FAM135B: variants seen among roughly 807,000 people sequenced by gnomAD.
FAM135B encodes protein FAM135B.
Under a neutral mutation model 127.7 loss-of-function variants are expected in FAM135B, and 43 were observed. The observed-to-expected ratio is 0.34, with a 90% CI of 0.26 to 0.43. The LOEUF (loss-of-function observed/expected upper bound fraction) is 0.43, where lower values mean the gene tolerates loss of function less well. Ranked by LOEUF, FAM135B falls within the 20% of genes least tolerant of loss-of-function variation. The pLI is 1.00. For synonymous variants in FAM135B, 670 were observed against 665.1 expected (o/e 1.01, Z -0.11); for missense variants, 1,558 against 1,725.6 (o/e 0.90, Z 1.72).
intron 2 of FAM135B, among the ~76,000 whole-genome samples, chr8:138,331,774 G>A (rs923454172): frequency 6.6e-6 from 1 of 152,150 alleles, no homozygotes; most frequent in African/African-American, 2.4e-5. Flanking sequence ...AATAAAGTTG[G>A]AGTAAAATAA....
intron 3 of FAM135B, among the ~76,000 whole-genome samples, chr8:138,272,961 T>G (rs1317095365): frequency 6.6e-6 from 1 of 152,206 alleles, no homozygotes; most frequent in Non-Finnish European, 1.5e-5. Flanking sequence ...TTTCCTCATC[T>G]GTGAACTGGG....
At chr8:138,163,376 C>A (rs549753063) in intron 12 of FAM135B, among the ~76,000 whole-genome samples, 212 of 152,206 alleles carry the variant, frequency 1.4e-3, no homozygotes, top group African/African-American at 4.0e-3. Flanking sequence ...GATATTGCAG[C>A]GTGCCTGGCA....
chr8:138,306,487 G>A (rs73438119), intron 3 of FAM135B, among the ~76,000 whole-genome samples: 5,144 of 150,740 alleles, frequency 0.034, 184 homozygotes, highest in East Asian at 0.15. Flanking sequence ...AGATGAGACT[G>A]TACAACCTGG....
chr8:138,247,769 C>T (rs1488169537), intron 6 of FAM135B, among the ~76,000 whole-genome samples: 3 of 152,216 alleles, frequency 2.0e-5, no homozygotes, highest in Admixed American at 6.5e-5. Flanking sequence ...TACCAGGTAA[C>T]TCTACTGCTC....
chr8:138,242,165 T>TTGTGTGTGTGTG lies in FAM135B; in HGVS notation c.669+765_669+776dup, dbSNP rs55837421. 2.1e-4 allele frequency among the ~76,000 whole-genome samples: 27 copies of TTGTGTGTGTGTG among 130,086 alleles called. No homozygotes were observed. The highest frequency in any genetic ancestry group is 5.0e-4 in the African/African-American group (17 of 34,112). 85.3% of individuals were successfully genotyped at this position (130,086 alleles called of 152,430 possible). On this transcript the variant is annotated intron_variant, in intron 7 of 19. Transcript: ENST00000395297. The surrounding 1 kb of genome is among the most constrained non-coding windows in gnomAD (Gnocchi z 9.6). ...AGTCAATTACTTATGATAAATCTCT[T>TTGTGTGTGTGTG]TGTGTGTGTGTGTGTGTGTGTGTGT... is the stretch of plus-strand genomic sequence containing the variant.
intron 2 of FAM135B, among the ~76,000 whole-genome samples, chr8:138,313,630 A>T (rs868785055): frequency 2.0e-5 from 3 of 149,006 alleles, no homozygotes; most frequent in Non-Finnish European, 4.4e-5. Flanking sequence ...CGGCTCCCCA[A>T]AGTGCTGGGA....
chr8:138,162,090 A>G (rs1819462889), intron 12 of FAM135B, among the ~76,000 whole-genome samples: 1 of 152,222 alleles, frequency 6.6e-6, no homozygotes, highest in African/African-American at 2.4e-5. Flanking sequence ...ATTCTATGTG[A>G]AAAATCCCTA....
intron 3 of FAM135B, among the ~76,000 whole-genome samples, chr8:138,297,056 T>C (rs1457146832): frequency 6.6e-6 from 1 of 152,150 alleles, no homozygotes; most frequent in South Asian, 2.1e-4. Flanking sequence ...CAGCCAGGCC[T>C]GGCATCTGGG....
intron 2 of FAM135B, chr8:138,367,549 T>C (rs535408597): frequency 4.6e-6 from 2 of 433,774 alleles, no homozygotes; most frequent in Non-Finnish European, 8.9e-6. Flanking sequence ...GCATCAGTAT[T>C]GAACACACTG....
chr8:138,205,883 T>C (rs1817512941), intron 7 of FAM135B, among the ~76,000 whole-genome samples: 1 of 151,896 alleles, frequency 6.6e-6, no homozygotes. Flanking sequence ...TTGAGAAACC[T>C]GGTCAAGGTC....
intron 2 of FAM135B, among the ~76,000 whole-genome samples, chr8:138,324,621 C>T (rs1827675648): frequency 6.6e-6 from 1 of 152,142 alleles, no homozygotes; most frequent in African/African-American, 2.4e-5. Flanking sequence ...GCTCACCGCT[C>T]CTAGATCATC....
At position 138,243,919 on chromosome 8, in the gene FAM135B, C is replaced by T. The variant is rs1039135432; in HGVS notation, c.543-851G>A. ...ATATTCTAGGCATGTTTTAGTCCCT[C>T]AGTAAAATTTAAAGTCTCTGATGGC... On this transcript the variant is annotated intron_variant, in intron 6 of 19. Coordinates refer to ENST00000395297, the MANE Select transcript of FAM135B (RefSeq NM_015912.4). The surrounding 1 kb of genome is among the most constrained non-coding windows in gnomAD (Gnocchi z 7.5). Among the ~76,000 whole-genome samples the T allele has an allele frequency of 6.6e-6, 1 of 152,006 alleles. No homozygotes were observed. Among genetic ancestry groups the T allele is most frequent in the Non-Finnish European group, 1.5e-5 (1 of 68,006 alleles).
rs562807811 is a variant in FAM135B at position 138,388,052 on chromosome 8, C to A, written c.-19-20050G>T. 5.0e-4 allele frequency among the ~76,000 whole-genome samples: 76 copies of A among 152,236 alleles called. No homozygotes were observed. In the South Asian group the frequency reaches 6.9e-3, roughly 14 times the overall value. On this transcript the variant is annotated intron_variant, in intron 1 of 19. Transcript: ENST00000395297. ...ATGAGGGGAATGCAAATTAAAACCA[C>A]AATGAGATACCCCGATTAAAAAGTG...
chr8:138,244,392 G>A (rs538759718), intron 6 of FAM135B, among the ~76,000 whole-genome samples: 1 of 152,212 alleles, frequency 6.6e-6, no homozygotes, highest in African/African-American at 2.4e-5. Context: ...ACTCCCTAAA[G>A]GCTGTGTGAC....
intron 4 of FAM135B, among the ~76,000 whole-genome samples, chr8:138,259,600 A>G (rs1341350243): frequency 6.6e-6 from 1 of 152,210 alleles, no homozygotes; most frequent in Non-Finnish European, 1.5e-5. Flanking sequence ...TTCCTCTATC[A>G]GCCTCACATA....
chr8:138,294,533 T>C (rs1453322465), intron 3 of FAM135B, among the ~76,000 whole-genome samples: 1 of 152,050 alleles, frequency 6.6e-6, no homozygotes, highest in Non-Finnish European at 1.5e-5. Context: ...GAAATGACAT[T>C]GAAATCATAT....
chr8:138,131,271 A>C lies in FAM135B; in HGVS notation c.*1322T>G, dbSNP rs1816198767. 1.3e-5 allele frequency: 2 copies of C among 151,964 alleles called. No individual in the cohort carries two copies. The highest frequency in any genetic ancestry group is 2.9e-5 in the Non-Finnish European group (2 of 68,044). The allele number at this position is 151,964 out of a possible 1,614,324, so 9.4% of individuals were successfully genotyped here. A position where few individuals can be genotyped will look rare whatever the true frequency, so the allele number is the denominator to read the frequency against. On this transcript the variant is annotated 3_prime_UTR_variant, in exon 20 of 20. Coordinates refer to ENST00000395297, the MANE Select transcript of FAM135B (RefSeq NM_015912.4). ...CTCCAAAAGATTAGGCTCCTGTCTTACTTATCCCTACTGTCCAGGTTCATT... is the reference window on the plus strand; with the variant it reads ...CTCCAAAAGATTAGGCTCCTGTCTTCCTTATCCCTACTGTCCAGGTTCATT...
chr8:138,335,502 G>A (rs1200479230), intron 2 of FAM135B, among the ~76,000 whole-genome samples: 1 of 152,086 alleles, frequency 6.6e-6, no homozygotes, highest in Non-Finnish European at 1.5e-5. Flanking sequence ...GATCAAAAGA[G>A]ACAAAGAAGT....
intron 7 of FAM135B, among the ~76,000 whole-genome samples, chr8:138,212,029 C>T (rs1818181670): frequency 6.6e-6 from 1 of 152,170 alleles, no homozygotes; most frequent in South Asian, 2.1e-4. Context: ...GATGGAGCCA[C>T]TGCACTCCAC....
Sources: gnomAD v4.1 joint callset for allele counts (sites outside exome capture counted in the v4.1 genomes callset) on GRCh38, gnomAD v4.1.1 for gene constraint, Gnocchi (gnomAD v3.1) non-coding constraint, MANE v1.5 for transcripts, NCBI Gene and HGNC (gene_info 2026-07-23, HGNC 2026-07-21) for gene names.